Variants in SHC4 observed in about 807,000 individuals in gnomAD.
SHC4 encodes the protein SHC-transforming protein 4.
In SHC4, 41 loss-of-function variants were observed where a neutral mutation model predicts 69.4. The observed-to-expected ratio is 0.59, with a 90% CI of 0.46 to 0.77. The LOEUF (loss-of-function observed/expected upper bound fraction) is 0.77, where lower values mean the gene tolerates loss of function less well. Ranked by LOEUF, SHC4 falls within the 30% of genes least tolerant of loss-of-function variation. The probability of loss-of-function intolerance (pLI) is 0.00; values close to 1 mark genes in which losing one functional copy is unlikely to be tolerated. For missense variants in SHC4, 777 were observed against 783.8 expected (o/e 0.99, Z 0.10); for synonymous variants, 318 against 299.3 (o/e 1.06, Z -0.64).
intron 4 of SHC4, among the ~76,000 whole-genome samples, chr15:48,873,564 G>A (rs1035381992): frequency 6.6e-6 from 1 of 152,156 alleles, no homozygotes; most frequent in Non-Finnish European, 1.5e-5. Context: ...CTAACACAGT[G>A]AAACCCCATC....
chr15:48,836,023 CAAAAAAA>C (rs57343981), intron 10 of SHC4, among the ~76,000 whole-genome samples: 1 of 60,106 alleles, frequency 1.7e-5, no homozygotes, highest in Non-Finnish European at 2.9e-5. Flanking sequence ...ACAAAAAATC[CAAAAAAA>C]AAAAAAAAAA....
chr15:48,835,020 C>A lies in SHC4; in HGVS notation c.1486G>T (p.Ala496Ser), dbSNP rs767635956. ...PLGSPWHCGK[A>S]PETVQPGATA... ...GCACCCGGCTGAACAGTTTCTGGTG[C>A]CTCTGAAGTCAGAACACAAAGAGAG... Residue 496 changes from alanine (A) to serine (S), a missense_variant and splice_region_variant, in exon 11 of 12, where the codon GCA becomes TCA. Ala to Ser is a moderately conservative substitution (Grantham distance 99). Coordinates refer to ENST00000332408, the MANE Select transcript of SHC4 (RefSeq NM_203349.4). 6.2e-7 allele frequency: 1 copy of A among 1,608,058 alleles called. No individual in the cohort carries two copies.
At chr15:48,880,974 A>ATG (rs1453607741) in intron 4 of SHC4, among the ~76,000 whole-genome samples, 2 of 126,634 alleles carry the variant, frequency 1.6e-5, no homozygotes, top group Admixed American at 8.6e-5. Context: ...CTAAATGATG[A>ATG]TGTGTGTGAG....
chr15:48,910,570 T>C (rs920080357), intron 2 of SHC4, among the ~76,000 whole-genome samples: 1 of 152,176 alleles, frequency 6.6e-6, no homozygotes, highest in Admixed American at 6.5e-5. Context: ...CATTTAGTTC[T>C]GCTCTGATCT....
At chr15:48,924,819 A>C in intron 2 of SHC4, 60 bp downstream of exon 2, 1 of 1,551,670 alleles carries the variant, frequency 6.4e-7, no homozygotes, top group East Asian at 2.2e-5. Context: ...TTCCTGTGGG[A>C]GAAATTATTG....
intron 11 of SHC4, among the ~76,000 whole-genome samples, chr15:48,830,358 T>C (rs1056728716): frequency 1.3e-5 from 2 of 152,222 alleles, no homozygotes; most frequent in African/African-American, 2.4e-5. Flanking sequence ...ATGTCACCAA[T>C]TACATTTTTA....
At chr15:48,892,880 A>C (rs1011669161) in intron 2 of SHC4, among the ~76,000 whole-genome samples, 3 of 151,812 alleles carry the variant, frequency 2.0e-5, no homozygotes, top group East Asian at 3.9e-4. Flanking sequence ...AAAAAAAAAA[A>C]AGTTGACTAT....
chr15:48,852,127 A>C (rs1595732154), intron 8 of SHC4, among the ~76,000 whole-genome samples: 2 of 152,344 alleles, frequency 1.3e-5, no homozygotes, highest in East Asian at 3.9e-4. Flanking sequence ...ATAGATAAGC[A>C]ATGTAGTGCA....
At chr15:48,839,897 T>A (rs185147036) in intron 10 of SHC4, among the ~76,000 whole-genome samples, 1 of 152,330 alleles carries the variant, frequency 6.6e-6, no homozygotes. Context: ...ATTACAGAAC[T>A]CCTAAATTTA....
At chr15:48,903,952 C>A (rs1488062354) in intron 2 of SHC4, among the ~76,000 whole-genome samples, 3 of 152,120 alleles carry the variant, frequency 2.0e-5, no homozygotes, top group East Asian at 1.9e-4. Context: ...TTTTAAGAAG[C>A]CTTTGCATAC....
At chr15:48,950,720 G>A (rs913920496) in intron 1 of SHC4, among the ~76,000 whole-genome samples, 1 of 152,158 alleles carries the variant, frequency 6.6e-6, no homozygotes, top group African/African-American at 2.4e-5. Flanking sequence ...GGTCTAGAAT[G>A]CCCCCAGACT....
intron 2 of SHC4, among the ~76,000 whole-genome samples, chr15:48,905,742 C>T (rs1900395306): frequency 6.6e-6 from 1 of 152,196 alleles, no homozygotes; most frequent in African/African-American, 2.4e-5. Context: ...TGTTTCTCTT[C>T]AAACACTTGA....
chr15:48,886,340 G>C lies in SHC4; in HGVS notation c.721-1973C>G, dbSNP rs146002200. On this transcript the variant is annotated intron_variant, in intron 3 of 11. Coordinates refer to ENST00000332408, the MANE Select transcript of SHC4 (RefSeq NM_203349.4). The stretch of plus-strand genomic sequence containing the variant: ...CGAAAAGCATTTTGTTATCTGTAAA[G>C]AACTTTTACGTAAATCATCTTAATT... 1.4e-4 allele frequency among the ~76,000 whole-genome samples: 22 copies of C among 152,208 alleles called. No homozygotes were observed. The East Asian group carries it at 3.9e-3, about 27-fold the overall frequency.
chr15:48,859,206 C>T (rs1974961), intron 6 of SHC4, among the ~76,000 whole-genome samples: 126,977 of 152,150 alleles, frequency 0.83, 53,404 homozygotes, highest in East Asian at 1. Context: ...CAGTGTTTCT[C>T]AGCCTTATGT....
At chr15:48,942,165 A>G (rs1049992778) in intron 1 of SHC4, among the ~76,000 whole-genome samples, 2 of 151,070 alleles carry the variant, frequency 1.3e-5, no homozygotes, top group Non-Finnish European at 1.5e-5. Context: ...GTGACCTGTT[A>G]GTCAGTATTT....
chr15:48,909,287 G>A (rs1279713048), intron 2 of SHC4, among the ~76,000 whole-genome samples: 3 of 17,240 alleles, frequency 1.7e-4, no homozygotes, highest in African/African-American at 7.1e-4. Flanking sequence ...TATATTCCTA[G>A]GATTTTTTTT....
intron 2 of SHC4, among the ~76,000 whole-genome samples, chr15:48,906,717 A>G (rs1281117055): frequency 6.6e-6 from 1 of 152,154 alleles, no homozygotes; most frequent in African/African-American, 2.4e-5. Flanking sequence ...GTCCTTTATT[A>G]GTTTGATTGT....
At chr15:48,836,402 C>T (rs1183254492) in intron 10 of SHC4, among the ~76,000 whole-genome samples, 2 of 152,120 alleles carry the variant, frequency 1.3e-5, no homozygotes, top group East Asian at 3.9e-4. Flanking sequence ...GGTAGCAAGG[C>T]TAATCTTACT....
At position 48,924,402 on chromosome 15, in the gene SHC4, A is replaced by C. The variant is rs373749651; in HGVS notation, c.656+477T>G. ...GCTCCCTGGGGTCACCCTGGGTAAAACTTCCCTGATTCCACTGTTCCATCT... is the reference window on the plus strand; with the variant it reads ...GCTCCCTGGGGTCACCCTGGGTAAACCTTCCCTGATTCCACTGTTCCATCT... On this transcript the variant is annotated intron_variant, in intron 2 of 11. Transcript: ENST00000332408. 6.6e-5 allele frequency among the ~76,000 whole-genome samples: 10 copies of C among 152,190 alleles called. No homozygotes were observed. In the East Asian group the frequency reaches 1.9e-3, roughly 29 times the overall value.
Sources: allele counts gnomAD v4.1 joint callset (sites outside exome capture counted in the v4.1 genomes callset), GRCh38; gene constraint gnomAD v4.1.1; transcripts MANE v1.5; gene names NCBI Gene and HGNC (gene_info 2026-07-23, HGNC 2026-07-21).